The following ZNF609 variants were observed in gnomAD, a reference collection of about 807,000 sequenced individuals.
ZNF609 encodes zinc finger protein 609.
ZNF609 carries 11 observed loss-of-function variants against 109.5 expected under a neutral mutation model. The ratio of observed to expected loss-of-function variants is 0.10; its 90% CI spans 0.06 to 0.17. ZNF609 has a LOEUF of 0.17. ZNF609 is among the 10% of genes least tolerant of loss of function. The pLI, the probability that ZNF609 is intolerant of heterozygous loss-of-function variation, is 1.00. For synonymous variants in ZNF609, 646 were observed against 662.0 expected, an observed-to-expected ratio of 0.98 and a Z score of 0.37; for missense variants, 1,559 against 1,772.4, an observed-to-expected ratio of 0.88 and a Z score of 2.16.
intron 4 of ZNF609, among the ~76,000 whole-genome samples, chr15:64,671,799 A>G (rs1896734955): frequency 6.6e-6 from 1 of 152,142 alleles, no homozygotes; most frequent in East Asian, 1.9e-4. Flanking sequence ...TATTATCTGA[A>G]CAGTTCTTTT....
intron 3 of ZNF609, 45 bp from the exon 4 acceptor site, chr15:64,670,300 CA>C (rs1245017901): frequency 1.3e-6 from 2 of 1,495,850 alleles, no homozygotes; most frequent in Non-Finnish European, 1.9e-6. Context: ...TTCTCAGTGG[CA>C]AATGGGGTGT....
intron 2 of ZNF609, among the ~76,000 whole-genome samples, chr15:64,533,137 A>G (rs1595709755): frequency 6.6e-6 from 1 of 151,050 alleles, no homozygotes; most frequent in South Asian, 2.1e-4. Flanking sequence ...TGCAACCTCT[A>G]CCTCCCACGT....
At chr15:64,524,204 C>G (rs78466272) in intron 2 of ZNF609, among the ~76,000 whole-genome samples, 6 of 152,308 alleles carry the variant, frequency 3.9e-5, no homozygotes, top group African/African-American at 1.4e-4. Context: ...CCTAATTCTT[C>G]ATTTTACTTA....
At chr15:64,634,923 A>G (rs1419890298) in intron 3 of ZNF609, among the ~76,000 whole-genome samples, 1 of 151,966 alleles carries the variant, frequency 6.6e-6, no homozygotes, top group African/African-American at 2.4e-5. Flanking sequence ...ATTCCCACCT[A>G]GCAGCTTACT....
intron 2 of ZNF609, among the ~76,000 whole-genome samples, chr15:64,513,834 G>A (rs1376106458): frequency 1.3e-5 from 2 of 152,162 alleles, no homozygotes; most frequent in Non-Finnish European, 2.9e-5. Context: ...GCTTACACCT[G>A]TAATCCCAGC....
intron 3 of ZNF609, among the ~76,000 whole-genome samples, chr15:64,636,273 C>T (rs1896173599): frequency 6.6e-6 from 1 of 152,174 alleles, no homozygotes; most frequent in African/African-American, 2.4e-5. Context: ...CTTACTCCTG[C>T]CAGATCCTTT....
At chr15:64,613,544 G>C (rs1218426779) in intron 2 of ZNF609, among the ~76,000 whole-genome samples, 1 of 152,018 alleles carries the variant, frequency 6.6e-6, no homozygotes, top group Non-Finnish European at 1.5e-5. Flanking sequence ...AATCATCCTT[G>C]TTTAAACTTA....
chr15:64,561,422 T>C (rs2140403619), intron 2 of ZNF609, among the ~76,000 whole-genome samples: 2 of 151,080 alleles, frequency 1.3e-5, no homozygotes, highest in African/African-American at 4.9e-5. Flanking sequence ...GATCTTAATT[T>C]TAAAAAATAG....
intron 3 of ZNF609, among the ~76,000 whole-genome samples, chr15:64,659,725 A>G (rs1027205689): frequency 4.6e-5 from 7 of 152,194 alleles, no homozygotes; most frequent in African/African-American, 1.7e-4. Context: ...TCATCAAGAA[A>G]ATTTTAAAAT....
At chr15:64,576,822 C>CAAAAAAA (rs57802165) in intron 2 of ZNF609, among the ~76,000 whole-genome samples, 1 of 79,932 alleles carries the variant, frequency 1.3e-5, no homozygotes, top group African/African-American at 5.0e-5. Context: ...GACTCCATCT[C>CAAAAAAA]AAAAAAAAAA....
chr15:64,644,072 C>G (rs372789492), intron 3 of ZNF609, among the ~76,000 whole-genome samples: 1 of 151,992 alleles, frequency 6.6e-6, no homozygotes, highest in Non-Finnish European at 1.5e-5. Context: ...CCGGTATACT[C>G]TAACCTGGGC....
chr15:64,623,489 T>A (rs1404969719), intron 3 of ZNF609, among the ~76,000 whole-genome samples: 1 of 152,230 alleles, frequency 6.6e-6, no homozygotes, highest in African/African-American at 2.4e-5. Flanking sequence ...AGCTCTTGCC[T>A]TTTTTAACAC....
chr15:64,636,267 C>T (rs566610954), intron 3 of ZNF609, among the ~76,000 whole-genome samples: 3 of 152,300 alleles, frequency 2.0e-5, no homozygotes, highest in African/African-American at 7.2e-5. Flanking sequence ...CCTGTGCTTA[C>T]TCCTGCCAGA....
chr15:64,563,302 T>A (rs956530890), intron 2 of ZNF609, among the ~76,000 whole-genome samples: 1 of 146,202 alleles, frequency 6.8e-6, no homozygotes, highest in African/African-American at 2.6e-5. Flanking sequence ...ATACAGAAAT[T>A]AGCCAGGTGT....
intron 3 of ZNF609, among the ~76,000 whole-genome samples, chr15:64,651,998 C>T (rs1896423660): frequency 6.6e-6 from 1 of 151,920 alleles, no homozygotes; most frequent in Non-Finnish European, 1.5e-5. Flanking sequence ...AAAAAAAAAA[C>T]TTAAGACATG....
chr15:64,631,607 A>C (rs191200392), intron 3 of ZNF609: 10 of 395,210 alleles, frequency 2.5e-5, no homozygotes, highest in African/African-American at 2.1e-4. Flanking sequence ...ATCTCGGCTC[A>C]CCACAATCTC....
intron 2 of ZNF609, among the ~76,000 whole-genome samples, chr15:64,561,589 C>T (rs1158772433): frequency 7.6e-6 from 1 of 131,422 alleles, no homozygotes. Context: ...TAGATGGGGT[C>T]TGCCTGTGTT....
At chr15:64,505,027 A>C (rs1024672641) in intron 2 of ZNF609, among the ~76,000 whole-genome samples, 1 of 152,182 alleles carries the variant, frequency 6.6e-6, no homozygotes, top group Non-Finnish European at 1.5e-5. Context: ...AATTGCTTTT[A>C]CCCCAAAACT....
chr15:64,521,630 T>G (rs1224715912), intron 2 of ZNF609, among the ~76,000 whole-genome samples: 1 of 152,212 alleles, frequency 6.6e-6, no homozygotes, highest in Non-Finnish European at 1.5e-5. Context: ...TCAAGGCTCA[T>G]AACCTTTATG....
Sources: allele counts gnomAD v4.1 joint callset (sites outside exome capture counted in the v4.1 genomes callset), GRCh38; gene constraint gnomAD v4.1.1; transcripts MANE v1.5; gene names NCBI Gene and HGNC (gene_info 2026-07-23, HGNC 2026-07-21).